The following KCNIP4 variants were observed in gnomAD, a reference collection of about 807,000 sequenced individuals.
The protein encoded by KCNIP4 is Kv channel-interacting protein 4.
Under a neutral mutation model 34.0 loss-of-function variants are expected in KCNIP4, and 12 were observed. The observed-to-expected ratio is 0.35, with a 90% confidence interval of 0.23 to 0.57. KCNIP4 has a LOEUF of 0.57. Ranked by LOEUF, KCNIP4 falls within the 20% of genes least tolerant of loss-of-function variation. The pLI, the probability that KCNIP4 is intolerant of heterozygous loss-of-function variation, is 0.83. For synonymous variants in KCNIP4, 124 were observed against 102.2 expected, an observed-to-expected ratio of 1.21 and a Z score of -1.29; for missense variants, 238 against 311.7, an observed-to-expected ratio of 0.76 and a Z score of 1.78.
At chr4:21,122,337 A>G in intron 1 of KCNIP4, among the ~76,000 whole-genome samples, 1 of 151,732 alleles carries the variant, frequency 6.6e-6, no homozygotes, top group Non-Finnish European at 1.5e-5. Flanking sequence ...TTAAGTGCGT[A>G]TACGTTTTGA....
At chr4:21,695,824 C>A (rs114098871) in intron 1 of KCNIP4, among the ~76,000 whole-genome samples, 23 of 152,236 alleles carry the variant, frequency 1.5e-4, no homozygotes, top group African/African-American at 5.3e-4. Flanking sequence ...TAAAATATTT[C>A]TCTAATTTCA....
chr4:21,298,229 C>T (rs986780531), intron 1 of KCNIP4, among the ~76,000 whole-genome samples: 2 of 152,110 alleles, frequency 1.3e-5, no homozygotes, highest in Admixed American at 1.3e-4. Flanking sequence ...TAACTAGAAC[C>T]ATCAGTGCTC....
At chr4:21,780,701 C>T (rs1428795471) in intron 1 of KCNIP4, among the ~76,000 whole-genome samples, 1 of 152,186 alleles carries the variant, frequency 6.6e-6, no homozygotes, top group Non-Finnish European at 1.5e-5. Context: ...AGAAATGTAT[C>T]AATCAACCTG....
At chr4:21,310,483 A>G (rs1237613367) in intron 1 of KCNIP4, among the ~76,000 whole-genome samples, 1 of 152,088 alleles carries the variant, frequency 6.6e-6, no homozygotes, top group East Asian at 1.9e-4. Flanking sequence ...ACCTGCCTTT[A>G]ACTTCCTTTG....
At chr4:20,946,813 A>C (rs1287402642) in intron 1 of KCNIP4, among the ~76,000 whole-genome samples, 1 of 152,170 alleles carries the variant, frequency 6.6e-6, no homozygotes, top group Non-Finnish European at 1.5e-5. Flanking sequence ...GCAGGCCCCT[A>C]ATGAAATGGG....
rs915385281 is a variant in KCNIP4 at position 21,869,645 on chromosome 4, T to C, written c.61+78926A>G. 2.1e-5 allele frequency among the ~76,000 whole-genome samples: 3 copies of C among 146,310 alleles called. No homozygotes were observed. The Admixed American group carries it at 2.1e-4, about 10-fold the overall frequency. Reference sequence around the variant, plus strand: ...TCGTTCTCTCTTATGTTTTCACTTTTAGGAATTTTTTTTCCTTTAGGGCTT... The same window carrying C: ...TCGTTCTCTCTTATGTTTTCACTTTCAGGAATTTTTTTTCCTTTAGGGCTT... On this transcript the variant is annotated intron_variant, in intron 1 of 8. Coordinates refer to ENST00000382152, the MANE Select transcript of KCNIP4 (RefSeq NM_025221.6).
intron 1 of KCNIP4, among the ~76,000 whole-genome samples, chr4:21,749,037 G>A (rs1716969133): frequency 1.3e-5 from 2 of 152,100 alleles, no homozygotes; most frequent in Admixed American, 1.3e-4. Flanking sequence ...AACAGCTTAG[G>A]TGTACCATTC....
chr4:21,234,287 ATATAT>A (rs1307673469), intron 1 of KCNIP4, among the ~76,000 whole-genome samples: 2 of 102,456 alleles, frequency 2.0e-5, no homozygotes, highest in East Asian at 3.0e-4. Context: ...TATATATAAC[ATATAT>A]TATATATAAC....
rs558205925 is a variant in KCNIP4 at position 21,036,170 on chromosome 4, T to C, written c.62-153461A>G. 4.6e-5 allele frequency among the ~76,000 whole-genome samples: 7 copies of C among 152,350 alleles called. No homozygotes were observed. The East Asian group carries it at 1.4e-3, about 29-fold the overall frequency. On this transcript the variant is annotated intron_variant, in intron 1 of 8. Transcript: ENST00000382152. Reference sequence around the variant, plus strand: ...GTCTGTTTGGAACATACTTATGCTATGCCTTCTACATATACTGTATTACAT... The same window carrying C: ...GTCTGTTTGGAACATACTTATGCTACGCCTTCTACATATACTGTATTACAT...
At chr4:21,145,977 CCG>C (rs2109226697) in intron 1 of KCNIP4, among the ~76,000 whole-genome samples, 1 of 152,262 alleles carries the variant, frequency 6.6e-6, no homozygotes, top group Admixed American at 6.5e-5. Context: ...CTGTTTAATT[CCG>C]TGTATGAATT....
chr4:21,662,618 G>A (rs1373102779), intron 1 of KCNIP4, among the ~76,000 whole-genome samples: 1 of 152,092 alleles, frequency 6.6e-6, no homozygotes, highest in South Asian at 2.1e-4. Context: ...ATTTTGTTTT[G>A]TGGTCTAAAA....
chr4:21,729,955 C>G (rs904321721), intron 1 of KCNIP4: 8 of 152,040 alleles, frequency 5.3e-5, no homozygotes, highest in Non-Finnish European at 7.4e-5. Context: ...CTCCCTGAAG[C>G]ACAAATTGTT....
Position 20,729,553 on chromosome 4 carries a change from A to AGAAACTGGAACTATGTGTTTT in KCNIP4, c.*508_*528dup, listed in dbSNP as rs1316685057. On this transcript the variant is annotated 3_prime_UTR_variant, in exon 9 of 9. Coordinates refer to ENST00000382152, the MANE Select transcript of KCNIP4 (RefSeq NM_025221.6). ...TTCTAACAGAAGGTGGGAAGGCCAT[A>AGAAACTGGAACTATGTGTTTT]GAAACTGGAACTATGTGTTTTTTTA... 2 of 151,544 alleles carry AGAAACTGGAACTATGTGTTTT rather than the reference A, an allele frequency of 1.3e-5. No individual in the cohort carries two copies. Among genetic ancestry groups the AGAAACTGGAACTATGTGTTTT allele is most frequent in the African/African-American group, 4.8e-5 (2 of 41,286 alleles). The allele number at this position is 151,544 out of a possible 1,614,324, so 9.4% of individuals were successfully genotyped here.
intron 1 of KCNIP4, among the ~76,000 whole-genome samples, chr4:21,637,906 C>G (rs1746334874): frequency 6.6e-6 from 1 of 151,910 alleles, no homozygotes; most frequent in African/African-American, 2.4e-5. Flanking sequence ...GACACCAGAA[C>G]TCCAAGCTTT....
chr4:20,919,539 T>TA (rs1205943095), intron 1 of KCNIP4, among the ~76,000 whole-genome samples: 2 of 151,798 alleles, frequency 1.3e-5, no homozygotes, highest in Admixed American at 1.3e-4. Flanking sequence ...CCATCTCTAC[T>TA]AAAAATACAA....
chr4:21,315,787 C>A (rs955263071), intron 1 of KCNIP4, among the ~76,000 whole-genome samples: 10 of 152,160 alleles, frequency 6.6e-5, no homozygotes, highest in African/African-American at 2.2e-4. Flanking sequence ...TTCTGATCTA[C>A]CCACTGTATA....
intron 1 of KCNIP4, among the ~76,000 whole-genome samples, chr4:21,576,938 A>G (rs7659762): frequency 0.12 from 18,511 of 152,102 alleles, 1,263 homozygotes; most frequent in African/African-American, 0.16. Flanking sequence ...TAGTAATAGA[A>G]TTTATTATTT....
At chr4:20,918,130 G>C (rs1372360764) in intron 1 of KCNIP4, among the ~76,000 whole-genome samples, 2 of 151,990 alleles carry the variant, frequency 1.3e-5, no homozygotes, top group African/African-American at 4.8e-5. Context: ...TGCAGAGTTG[G>C]ACGGAATGTG....
At chr4:20,996,607 C>A (rs370375938) in intron 1 of KCNIP4, among the ~76,000 whole-genome samples, 1 of 152,196 alleles carries the variant, frequency 6.6e-6, no homozygotes, top group African/African-American at 2.4e-5. Flanking sequence ...TCTTGCCACT[C>A]ACTTCTAGGC....
Sources: allele counts gnomAD v4.1 joint callset (sites outside exome capture counted in the v4.1 genomes callset), GRCh38; gene constraint gnomAD v4.1.1; transcripts MANE v1.5; gene names NCBI Gene and HGNC (gene_info 2026-07-23, HGNC 2026-07-21).